The following UGP2 variants were observed in gnomAD, a reference collection of about 807,000 sequenced individuals.
UGP2 encodes UTP--glucose-1-phosphate uridylyltransferase.
A neutral mutation model predicts 49.0 loss-of-function variants in UGP2; 40 were observed. The ratio of observed to expected loss-of-function variants is 0.82; its 90% CI spans 0.63 to 1.06. The LOEUF is 1.06. UGP2 is among the 50% of genes least tolerant of loss of function. The pLI is 0.00. For synonymous variants in UGP2, 225 were observed against 213.0 expected (o/e 1.06, Z -0.49); for missense variants, 460 against 603.5 (o/e 0.76, Z 2.49).
At chr2:63,855,708 ATTTTTGTAT>A (rs1479517518) in intron 1 of UGP2, 1 of 425,044 alleles carries the variant, frequency 2.4e-6, no homozygotes. Flanking sequence ...CACCTGGCTA[ATTTTTGTAT>A]TTTTTGTAGA....
At chr2:63,860,762 A>ATTTTTTTTTTTT (rs556819048) in intron 3 of UGP2, among the ~76,000 whole-genome samples, 1 of 123,702 alleles carries the variant, frequency 8.1e-6, no homozygotes. Flanking sequence ...GGCCCAGCTA[A>ATTTTTTTTTTTT]TTTTTTTTTT....
At chr2:63,886,266 A>G in intron 6 of UGP2, 75 bp from the exon 7 acceptor site, 2 of 1,359,210 alleles carry the variant, frequency 1.5e-6, no homozygotes, top group Non-Finnish European at 2.1e-6. Context: ...TTTTTGTATA[A>G]TCACTATCTT....
At chr2:63,859,627 G>A (rs1042168329) in intron 3 of UGP2, among the ~76,000 whole-genome samples, 1 of 152,130 alleles carries the variant, frequency 6.6e-6, no homozygotes, top group African/African-American at 2.4e-5. Context: ...CTATGCCCAT[G>A]TAGTGAGCCA....
chr2:63,877,496 C>T (rs1231415089), intron 3 of UGP2, among the ~76,000 whole-genome samples: 5 of 152,264 alleles, frequency 3.3e-5, no homozygotes, highest in South Asian at 2.1e-4. Context: ...ATTTTGTGTG[C>T]GTTTTCAAAA....
At chr2:63,867,009 A>G (rs571579209) in intron 3 of UGP2, among the ~76,000 whole-genome samples, 4 of 152,264 alleles carry the variant, frequency 2.6e-5, no homozygotes, top group African/African-American at 9.6e-5. Flanking sequence ...TTTTAACACC[A>G]TTTCTCAGGG....
At position 63,874,775 on chromosome 2, in the gene UGP2, T is replaced by G. The variant is rs1053018377; in HGVS notation, c.256-7691T>G. Among the ~76,000 whole-genome samples, 19 of 141,216 alleles carry G rather than the reference T, an allele frequency of 1.3e-4. 2 individuals are homozygous for G. The highest frequency in any genetic ancestry group is 4.7e-4 in the African/African-American group (18 of 38,696). The allele number at this position is 141,216 out of a possible 152,430, so 92.6% of individuals were successfully genotyped here. A position where few individuals can be genotyped will look rare whatever the true frequency, so the allele number is the denominator to read the frequency against. On this transcript the variant is annotated intron_variant, in intron 3 of 9. Coordinates refer to ENST00000337130, the MANE Select transcript of UGP2 (RefSeq NM_006759.4). ...TTAGTTATAGTGAGAACTGATTGTT[T>G]AAAAAAAAAAAAAGCCTGGTACCTC...
intron 1 of UGP2, among the ~76,000 whole-genome samples, chr2:63,852,880 G>A (rs1467495000): frequency 1.3e-5 from 2 of 152,164 alleles, no homozygotes; most frequent in Non-Finnish European, 1.5e-5. Context: ...AACAGGGTGG[G>A]CAAAAGAGTA....
chr2:63,843,697 T>G (rs1015260174), intron 1 of UGP2, among the ~76,000 whole-genome samples: 3 of 152,214 alleles, frequency 2.0e-5, no homozygotes, highest in Non-Finnish European at 4.4e-5. Flanking sequence ...TCATCCACTT[T>G]TTTTAAAAAA....
rs774329006 is a variant in UGP2, at chr2:63,870,702, G to GT, written c.256-11761dup. Among the ~76,000 whole-genome samples the GT allele has an allele frequency of 1.2e-3, 178 of 152,290 alleles. 1 individual carries two copies. The highest frequency in any genetic ancestry group is 1.4e-3 in the Non-Finnish European group (94 of 68,014). ...TTCATTTATTCGCTTATTCACAAAT[G>GT]TTTGAGTGCTGCCAACGCTGGGGAG... is the stretch of plus-strand genomic sequence containing the variant. On this transcript the variant is annotated intron_variant, in intron 3 of 9. Transcript: ENST00000337130.
chr2:63,868,887 T>C (rs1488218569), intron 3 of UGP2, among the ~76,000 whole-genome samples: 1 of 151,278 alleles, frequency 6.6e-6, no homozygotes, highest in Admixed American at 6.6e-5. Flanking sequence ...GGCAGGAGAA[T>C]CACTTGAACC....
At chr2:63,856,815 C>T (rs1012556859) in intron 2 of UGP2, 7 of 459,214 alleles carry the variant, frequency 1.5e-5, no homozygotes, top group Non-Finnish European at 2.2e-5. Context: ...AACCATGCTA[C>T]TTTGACAATT....
chr2:63,888,187 T>C (rs1406131757), intron 8 of UGP2: 1 of 154,714 alleles, frequency 6.5e-6, no homozygotes, highest in Non-Finnish European at 1.4e-5. Context: ...AATTTTACAT[T>C]GAGTGGCCAC....
chr2:63,842,088 T>A lies in UGP2; in HGVS notation c.-98T>A. The A allele has an allele frequency of 4.2e-6, 6 of 1,421,724 alleles. No homozygotes were observed. Among genetic ancestry groups the A allele is most frequent in the South Asian group, 1.4e-5 (1 of 73,074 alleles). The allele number at this position is 1,421,724 out of a possible 1,614,324, so 88.1% of individuals were successfully genotyped here. ...TAAATATAGGAGGAGAAAGAATACA[T>A]CGGTTGTTAAAGCAGGAGAGGAAGA... On this transcript the variant is annotated 5_prime_UTR_variant, in exon 1 of 10. Coordinates refer to ENST00000337130, the MANE Select transcript of UGP2 (RefSeq NM_006759.4).
At chr2:63,862,808 T>C (rs759184951) in intron 3 of UGP2, 2 of 455,134 alleles carry the variant, frequency 4.4e-6, no homozygotes, top group South Asian at 3.1e-5. Flanking sequence ...AAAGAAATGG[T>C]GTTAAAGTTT....
At chr2:63,885,360 A>T (rs1671603898) in intron 5 of UGP2, among the ~76,000 whole-genome samples, 1 of 152,162 alleles carries the variant, frequency 6.6e-6, no homozygotes, top group African/African-American at 2.4e-5. Context: ...TCCCATCTGT[A>T]TGACCATAGA....
intron 3 of UGP2, among the ~76,000 whole-genome samples, chr2:63,863,453 A>G (rs1184941411): frequency 1.3e-5 from 2 of 152,084 alleles, no homozygotes; most frequent in Non-Finnish European, 2.9e-5. Context: ...ACATCTCTTT[A>G]GCATTTTGGA....
At chr2:63,858,001 G>T in intron 3 of UGP2, 65 bp downstream of exon 3, 1 of 1,483,598 alleles carries the variant, frequency 6.7e-7, no homozygotes, top group Non-Finnish European at 9.3e-7. Context: ...AACTTAGGAC[G>T]GTTGGGTAGT....
Position 63,869,922 on chromosome 2 carries a change from A to ATT in UGP2, c.255+12003_255+12004dup, listed in dbSNP as rs71393337. On this transcript the variant is annotated intron_variant, in intron 3 of 9. Transcript: ENST00000337130. ...ATTTATTTTAGAGTAATTAAAATTA[A>ATT]TTTTTTTTTTTTTTTTTTGAGACAG... Among the ~76,000 whole-genome samples, 198 of 135,482 alleles carry ATT rather than the reference A, an allele frequency of 1.5e-3. 2 individuals are homozygous for ATT. The highest frequency in any genetic ancestry group is 3.8e-3 in the Middle Eastern group (1 of 266). The allele number at this position is 135,482 out of a possible 152,430, so 88.9% of individuals were successfully genotyped here.
At chr2:63,857,685 T>G in intron 2 of UGP2, 144 bp from the exon 3 acceptor site, 1 of 854,238 alleles carries the variant, frequency 1.2e-6, no homozygotes, top group Non-Finnish European at 1.9e-6. Context: ...TTTTAGGATG[T>G]GAAAAAGTCT....
Sources: gnomAD v4.1 joint callset for allele counts (sites outside exome capture counted in the v4.1 genomes callset) on GRCh38, gnomAD v4.1.1 for gene constraint, MANE v1.5 for transcripts, NCBI Gene and HGNC (gene_info 2026-07-23, HGNC 2026-07-21) for gene names.